SLCO3A1: variants seen among roughly 807,000 people sequenced by gnomAD.
SLCO3A1 encodes the protein PGE1 transporter.
In SLCO3A1, 27 loss-of-function variants were observed where a neutral mutation model predicts 63.1. The ratio of observed to expected loss-of-function variants is 0.43; its 90% CI spans 0.32 to 0.59. The LOEUF (loss-of-function observed/expected upper bound fraction) is 0.59. Among genes scored for constraint, SLCO3A1 ranks in the 20% least tolerant of loss-of-function variants. SLCO3A1 has a pLI of 0.09. For missense variants in SLCO3A1, 773 were observed against 945.8 expected, an observed-to-expected ratio of 0.82 and a Z score of 2.40; for synonymous variants, 473 against 409.9, an observed-to-expected ratio of 1.15 and a Z score of -1.86.
chr15:92,165,136 C>T lies in SLCO3A1; in HGVS notation c.*2001C>T, dbSNP rs1192627785. 3.0e-6 allele frequency: 3 copies of T among 985,274 alleles called. No individual in the cohort carries two copies. Among genetic ancestry groups the T allele is most frequent in the Non-Finnish European group, 3.6e-6 (3 of 829,924 alleles). 61.0% of individuals were successfully genotyped at this position (985,274 alleles called of 1,614,324 possible). A position where few individuals can be genotyped will look rare whatever the true frequency, so the allele number is the denominator to read the frequency against. ...TGACAGCCCAAATCTAGAGAAGGCACTCAGCAAGACCAACCAAAAGAAAAG... is the reference window on the plus strand; with the variant it reads ...TGACAGCCCAAATCTAGAGAAGGCATTCAGCAAGACCAACCAAAAGAAAAG... On this transcript the variant is annotated 3_prime_UTR_variant, in exon 10 of 10. Coordinates refer to ENST00000318445, the MANE Select transcript of SLCO3A1 (RefSeq NM_013272.4).
intron 2 of SLCO3A1, among the ~76,000 whole-genome samples, chr15:91,976,517 C>T (rs549397982): frequency 7.9e-4 from 121 of 152,248 alleles, no homozygotes; most frequent in African/African-American, 2.8e-3. Flanking sequence ...GCATTCTGTA[C>T]GTGCCATTGG....
At chr15:91,946,025 C>T (rs970275096) in intron 2 of SLCO3A1, among the ~76,000 whole-genome samples, 3 of 152,186 alleles carry the variant, frequency 2.0e-5, no homozygotes, top group African/African-American at 4.8e-5. Flanking sequence ...TTTCTTTGAA[C>T]ATATAAATAT....
chr15:92,128,639 G>A (rs530674143), intron 7 of SLCO3A1, 150 bp downstream of exon 7: 5 of 685,376 alleles, frequency 7.3e-6, no homozygotes, highest in Non-Finnish European at 1.2e-5. Flanking sequence ...AGCAGGATGA[G>A]AGGACTGATT....
At chr15:92,124,141 C>T (rs2047894256) in intron 5 of SLCO3A1, among the ~76,000 whole-genome samples, 1 of 152,176 alleles carries the variant, frequency 6.6e-6, no homozygotes, top group South Asian at 2.1e-4. Flanking sequence ...CCCTTCCACC[C>T]CTTGCAAAGT....
At chr15:91,902,338 C>T (rs1047770157) in intron 1 of SLCO3A1, among the ~76,000 whole-genome samples, 5 of 152,002 alleles carry the variant, frequency 3.3e-5, no homozygotes, top group African/African-American at 1.2e-4. Flanking sequence ...CTAGGGCTCT[C>T]TCCAGTGTGT....
chr15:91,926,596 T>TGTGTGTGTGTGTGCGCGCGCGCGCGCGC, intron 2 of SLCO3A1, among the ~76,000 whole-genome samples: 6 of 105,256 alleles, frequency 5.7e-5, no homozygotes, highest in African/African-American at 2.2e-4. Flanking sequence ...TGTGTGTGTG[T>TGTGTGTGTGTGTGCGCGCGCGCGCGCGC]GCGCGCGCGC....
At chr15:92,068,964 A>G (rs1247151318) in intron 2 of SLCO3A1, among the ~76,000 whole-genome samples, 1 of 152,190 alleles carries the variant, frequency 6.6e-6, no homozygotes, top group African/African-American at 2.4e-5. Context: ...AGATTCATGA[A>G]TATTTGGAGA....
intron 2 of SLCO3A1, among the ~76,000 whole-genome samples, chr15:91,988,193 A>G (rs2046078932): frequency 6.6e-6 from 1 of 152,066 alleles, no homozygotes; most frequent in African/African-American, 2.4e-5. Context: ...GCTTGAGCTC[A>G]GGAGTTTAAG....
chr15:92,050,690 A>G (rs1468927851), intron 2 of SLCO3A1, among the ~76,000 whole-genome samples: 1 of 152,164 alleles, frequency 6.6e-6, no homozygotes, highest in Non-Finnish European at 1.5e-5. Context: ...GCCATTACTC[A>G]CTCAGCAACC....
At chr15:92,092,665 C>A (rs72757443) in intron 2 of SLCO3A1, among the ~76,000 whole-genome samples, 2,672 of 152,244 alleles carry the variant, frequency 0.018, 30 homozygotes, top group South Asian at 0.062. Context: ...CTACTTCCTG[C>A]TGCTTTCTCA....
At chr15:92,078,612 C>T (rs1660297707) in intron 2 of SLCO3A1, among the ~76,000 whole-genome samples, 2 of 152,222 alleles carry the variant, frequency 1.3e-5, no homozygotes, top group South Asian at 4.1e-4. Flanking sequence ...CTGCTTTGCC[C>T]AGGCTGTTCC....
chr15:91,905,419 A>C (rs1567178871), intron 1 of SLCO3A1, among the ~76,000 whole-genome samples: 1 of 152,152 alleles, frequency 6.6e-6, no homozygotes, highest in East Asian at 1.9e-4. Context: ...CCTCTCATAC[A>C]CTTTAAATCT....
At chr15:92,047,832 G>T (rs1458170525) in intron 2 of SLCO3A1, among the ~76,000 whole-genome samples, 2 of 150,720 alleles carry the variant, frequency 1.3e-5, no homozygotes, top group Non-Finnish European at 2.9e-5. Context: ...TCAGCCTCAG[G>T]TCCTCCCACC....
At chr15:92,023,948 G>A (rs1429473429) in intron 2 of SLCO3A1, among the ~76,000 whole-genome samples, 1 of 152,178 alleles carries the variant, frequency 6.6e-6, no homozygotes, top group South Asian at 2.1e-4. Flanking sequence ...GTGGCAGAAG[G>A]TCAGGTTTCC....
At chr15:92,084,444 A>C (rs140762248) in intron 2 of SLCO3A1, among the ~76,000 whole-genome samples, 1 of 152,324 alleles carries the variant, frequency 6.6e-6, no homozygotes, top group East Asian at 1.9e-4. Context: ...GAGGAAACTG[A>C]GGCCGAGGGA....
chr15:92,060,346 G>A (rs1025553664), intron 2 of SLCO3A1, among the ~76,000 whole-genome samples: 2 of 152,018 alleles, frequency 1.3e-5, no homozygotes, highest in Non-Finnish European at 2.9e-5. Context: ...GATCATTTGA[G>A]GTCAGGAGTT....
At chr15:92,063,699 A>T (rs2047113745) in intron 2 of SLCO3A1, among the ~76,000 whole-genome samples, 1 of 152,022 alleles carries the variant, frequency 6.6e-6, no homozygotes, top group Non-Finnish European at 1.5e-5. Flanking sequence ...AAAATACAAA[A>T]ATTAGCCAGG....
At chr15:92,138,450 C>T (rs1446879690) in intron 7 of SLCO3A1, among the ~76,000 whole-genome samples, 4 of 114,460 alleles carry the variant, frequency 3.5e-5, no homozygotes, top group Admixed American at 1.9e-4. Flanking sequence ...ATTGCCTTGG[C>T]GATGGGGGCT....
At chr15:91,914,487 G>A (rs546972216) in intron 1 of SLCO3A1, among the ~76,000 whole-genome samples, 70 of 151,940 alleles carry the variant, frequency 4.6e-4, no homozygotes, top group African/African-American at 1.7e-3. Context: ...CTAATTGCTC[G>A]GGATTGTCTA....
Sources: gnomAD v4.1 joint callset for allele counts (sites outside exome capture counted in the v4.1 genomes callset) on GRCh38, gnomAD v4.1.1 for gene constraint, MANE v1.5 for transcripts, NCBI Gene and HGNC (gene_info 2026-07-23, HGNC 2026-07-21) for gene names.